Variants in PDE1A observed in about 807,000 individuals in gnomAD.
The protein encoded by PDE1A is dual specificity calcium/calmodulin-dependent 3',5'-cyclic nucleotide phosphodiesterase 1A.
Under a neutral mutation model 61.7 loss-of-function variants are expected in PDE1A, and 35 were observed. That is an observed-to-expected ratio of 0.57 (90% CI 0.43 to 0.75). PDE1A has a LOEUF of 0.75. Ranked by LOEUF, PDE1A falls within the 30% of genes least tolerant of loss-of-function variation. The pLI is 0.00. For missense variants in PDE1A, 597 were observed against 630.6 expected (o/e 0.95, Z 0.57); for synonymous variants, 232 against 213.2 (o/e 1.09, Z -0.77).
At chr2:182,665,675 A>G in the PDE1A span, among the ~76,000 whole-genome samples, 1 of 152,220 alleles carries the variant, frequency 6.6e-6, no homozygotes, top group Non-Finnish European at 1.5e-5. Context: ...TCAAAGATCT[A>G]GAACCAGAAA....
chr2:182,159,106 G>T (rs752704758), intron 13 of PDE1A, among the ~76,000 whole-genome samples: 1 of 152,074 alleles, frequency 6.6e-6, no homozygotes, highest in East Asian at 1.9e-4. Context: ...AAATTAAAAT[G>T]GTAAAAATCC....
intron 1 of PDE1A, among the ~76,000 whole-genome samples, chr2:182,362,878 T>G (rs1205743798): frequency 6.6e-6 from 1 of 152,078 alleles, no homozygotes; most frequent in African/African-American, 2.4e-5. Flanking sequence ...TGGAATACTA[T>G]GCAGCCATAA....
At chr2:182,532,045 C>T in the PDE1A span, among the ~76,000 whole-genome samples, 2,382 of 152,078 alleles carry the variant, frequency 0.016, 40 homozygotes, top group Non-Finnish European at 0.027. Context: ...TTTTTTGTGG[C>T]TGCAGTAAAA....
the PDE1A span, among the ~76,000 whole-genome samples, chr2:182,556,481 T>G: frequency 6.6e-6 from 1 of 152,050 alleles, no homozygotes; most frequent in Non-Finnish European, 1.5e-5. Flanking sequence ...TATAAATAAA[T>G]TAAACATTAA....
At chr2:182,259,527 T>A (rs2125769958) in intron 2 of PDE1A, among the ~76,000 whole-genome samples, 1 of 152,354 alleles carries the variant, frequency 6.6e-6, no homozygotes, top group African/African-American at 2.4e-5. Flanking sequence ...CATTTAATTC[T>A]CATATCAACT....
chr2:182,169,945 CTCTCTCTCTT>C (rs1692028158), intron 13 of PDE1A, among the ~76,000 whole-genome samples: 1 of 69,610 alleles, frequency 1.4e-5, no homozygotes, highest in Non-Finnish European at 3.1e-5. Flanking sequence ...CACACTCTCC[CTCTCTCTCTT>C]TCTCTTTCAT....
chr2:182,159,090 A>G (rs1691243905), intron 13 of PDE1A, among the ~76,000 whole-genome samples: 1 of 152,310 alleles, frequency 6.6e-6, no homozygotes, highest in African/African-American at 2.4e-5. Context: ...ATATTTTAAG[A>G]GATAAAAATT....
At chr2:182,225,365 A>G (rs1242942396) in intron 6 of PDE1A, among the ~76,000 whole-genome samples, 1 of 151,952 alleles carries the variant, frequency 6.6e-6, no homozygotes. Flanking sequence ...AAGCCATTGT[A>G]GGTCCATGAG....
intron 2 of PDE1A, among the ~76,000 whole-genome samples, chr2:182,458,232 C>G (rs1686049057): frequency 6.6e-6 from 1 of 152,046 alleles, no homozygotes; most frequent in Non-Finnish European, 1.5e-5. Context: ...AAATCCAACA[C>G]TTTGGGACTA....
chr2:182,308,841 A>G lies in PDE1A; in HGVS notation c.54-44427T>C, dbSNP rs932779794. ...AGCGTGCAACCTATAAATCTCTAAC[A>G]TTGATTAAAATTCAGCTTAGTCAAA... On this transcript the variant is annotated intron_variant, in intron 1 of 13. Coordinates refer to ENST00000351439, the Ensembl canonical transcript of PDE1A. 3.9e-5 allele frequency among the ~76,000 whole-genome samples: 6 copies of G among 152,140 alleles called. No homozygotes were observed. In the South Asian group the frequency reaches 1.2e-3, roughly 32 times the overall value.
At chr2:182,656,087 A>G in the PDE1A span, among the ~76,000 whole-genome samples, 1 of 152,078 alleles carries the variant, frequency 6.6e-6, no homozygotes. Context: ...TATTTCCCCC[A>G]CATCATTCTA....
chr2:182,710,183 C>T, the PDE1A span, among the ~76,000 whole-genome samples: 1 of 152,226 alleles, frequency 6.6e-6, no homozygotes, highest in African/African-American at 2.4e-5. Flanking sequence ...GCGTGAGCCA[C>T]TGCACCTGGC....
At chr2:182,477,496 A>C (rs752387638) in intron 2 of PDE1A, among the ~76,000 whole-genome samples, 6 of 151,872 alleles carry the variant, frequency 4.0e-5, no homozygotes, top group Non-Finnish European at 7.4e-5. Context: ...TGAATGGTGA[A>C]ATTGAGATGT....
At chr2:182,639,368 G>A in the PDE1A span, among the ~76,000 whole-genome samples, 1 of 152,102 alleles carries the variant, frequency 6.6e-6, no homozygotes. Flanking sequence ...AGGAGTTCGA[G>A]ACCAGCCTGG....
intron 1 of PDE1A, among the ~76,000 whole-genome samples, chr2:182,412,362 A>T (rs1574593321): frequency 6.6e-6 from 1 of 152,192 alleles, no homozygotes; most frequent in East Asian, 1.9e-4. Flanking sequence ...ATCTGACTCT[A>T]GAGCATAGTT....
chr2:182,378,813 A>G (rs1248302910), intron 1 of PDE1A, among the ~76,000 whole-genome samples: 1 of 152,226 alleles, frequency 6.6e-6, no homozygotes, highest in Non-Finnish European at 1.5e-5. Flanking sequence ...CTACACTACT[A>G]TGAAAATCCT....
chr2:182,367,136 A>G (rs1454077154), intron 1 of PDE1A, among the ~76,000 whole-genome samples: 1 of 151,436 alleles, frequency 6.6e-6, no homozygotes, highest in Admixed American at 6.6e-5. Flanking sequence ...TCAAGTTAGA[A>G]AAAAAAACAA....
At chr2:182,168,327 A>G (rs751840098) in intron 13 of PDE1A, 1 of 1,543,792 alleles carries the variant, frequency 6.5e-7, no homozygotes, top group South Asian at 1.2e-5. Context: ...TTAATAATTT[A>G]GAGAAAATGC....
chr2:182,554,595 C>T, the PDE1A span, among the ~76,000 whole-genome samples: 5 of 151,910 alleles, frequency 3.3e-5, no homozygotes, highest in Non-Finnish European at 5.9e-5. Context: ...TGAACTTTGG[C>T]GAGTTAGTTA....
Sources: gnomAD v4.1 joint callset for allele counts (sites outside exome capture counted in the v4.1 genomes callset) on GRCh38, gnomAD v4.1.1 for gene constraint, MANE v1.5 for transcripts, NCBI Gene and HGNC (gene_info 2026-07-23, HGNC 2026-07-21) for gene names.